The following TENM2 variants were observed in gnomAD, a reference collection of about 807,000 sequenced individuals.
TENM2 encodes the protein teneurin transmembrane protein 2, also known as teneurin-2.
TENM2 carries 52 observed loss-of-function variants against 245.2 expected under a neutral mutation model. The observed-to-expected ratio is 0.21, with a 90% CI of 0.17 to 0.27. The LOEUF (loss-of-function observed/expected upper bound fraction) is 0.27, where lower values mean the gene tolerates loss of function less well. Among genes scored for constraint, TENM2 ranks in the 10% least tolerant of loss-of-function variants. TENM2 has a pLI of 1.00. For missense variants in TENM2, 3,046 were observed against 3,666.8 expected (o/e 0.83, Z 4.37); for synonymous variants, 1,363 against 1,438.9 (o/e 0.95, Z 1.19).
chr5:168,156,917 G>A (rs1043053185), intron 12 of TENM2, among the ~76,000 whole-genome samples: 8 of 152,192 alleles, frequency 5.3e-5, no homozygotes, highest in Non-Finnish European at 1.0e-4. Context: ...AACGCCTGGG[G>A]CAGCCGTTCG....
intron 2 of TENM2, among the ~76,000 whole-genome samples, chr5:167,704,188 C>T (rs891104051): frequency 7.9e-5 from 12 of 152,262 alleles, no homozygotes; most frequent in African/African-American, 2.6e-4. Context: ...TGAGAGGTAG[C>T]TGGAGGGAGG....
At chr5:167,401,297 T>C (rs1036700616) in intron 2 of TENM2, among the ~76,000 whole-genome samples, 2 of 152,118 alleles carry the variant, frequency 1.3e-5, no homozygotes, top group Non-Finnish European at 2.9e-5. Context: ...TAAGGAGTGA[T>C]GCTAACTGAC....
intron 2 of TENM2, among the ~76,000 whole-genome samples, chr5:167,798,996 TG>T (rs1765514406): frequency 1.3e-5 from 2 of 152,158 alleles, no homozygotes; most frequent in Admixed American, 6.5e-5. Flanking sequence ...GAGGCTTTGA[TG>T]GGGTTAGGAA....
intron 3 of TENM2, among the ~76,000 whole-genome samples, chr5:167,926,344 T>C (rs1777760488): frequency 6.6e-6 from 1 of 152,112 alleles, no homozygotes; most frequent in Admixed American, 6.5e-5. Flanking sequence ...GTAAAAGAAA[T>C]GATTTCTATA....
In TENM2 at chr5:168,260,476, C is replaced by T. The variant is rs148800088; in HGVS notation, c.7563+63C>T. 1.3e-4 allele frequency: 208 copies of T among 1,587,970 alleles called. No homozygotes were observed. In the African/African-American group the frequency reaches 2.5e-3, roughly 19 times the overall value. On this transcript the variant is annotated intron_variant, in intron 28 of 28. Transcript: ENST00000518659. ...CATCATTCCCTTTTGCAAACAGAAC[C>T]TCATGGGAGCCAGGGGCATGTCAGC...
At chr5:167,018,956 T>TA in the TENM2 span, among the ~76,000 whole-genome samples, 2 of 152,218 alleles carry the variant, frequency 1.3e-5, no homozygotes, top group Admixed American at 1.3e-4. Context: ...AAATGCCTTC[T>TA]AATCTAATGT....
intron 3 of TENM2, among the ~76,000 whole-genome samples, chr5:167,923,415 TG>T (rs1777521352): frequency 6.6e-6 from 1 of 152,208 alleles, no homozygotes; most frequent in Non-Finnish European, 1.5e-5. Flanking sequence ...CTGCCACCTC[TG>T]TGCCAACAGC....
intron 2 of TENM2, among the ~76,000 whole-genome samples, chr5:167,868,338 T>C (rs769215848): frequency 2.6e-5 from 4 of 152,130 alleles, no homozygotes; most frequent in Admixed American, 6.5e-5. Flanking sequence ...CTATCAGAAA[T>C]ATAGAAGGTA....
rs576983991 is a variant in TENM2 at position 168,025,118 on chromosome 5, T to G, written c.1187-22309T>G. On this transcript the variant is annotated intron_variant, in intron 5 of 28. Transcript: ENST00000518659. ...AAATTTATTAATCCTACATTCAAAG[T>G]GTAAATTTACCACTTGGGACTCACA... is the stretch of plus-strand genomic sequence containing the variant. Among the ~76,000 whole-genome samples the G allele has an allele frequency of 3.3e-5, 5 of 152,346 alleles. No individual in the cohort carries two copies. The East Asian group carries it at 9.6e-4, about 29-fold the overall frequency.
intron 12 of TENM2, among the ~76,000 whole-genome samples, chr5:168,136,553 G>C (rs1194317627): frequency 1.3e-5 from 2 of 152,182 alleles, no homozygotes; most frequent in African/African-American, 4.8e-5. Flanking sequence ...GTAAAGGAGA[G>C]AACACCACAC....
chr5:167,929,114 AAAGAAAGAAAGAAAGAAAAGAAAGAAGGG>A (rs1778067473), intron 3 of TENM2, among the ~76,000 whole-genome samples: 1 of 122,006 alleles, frequency 8.2e-6, no homozygotes, highest in Non-Finnish European at 1.8e-5. Context: ...AGAAAGAAAG[AAAGAAAGAAAGAAAGAAAAGAAAGAAGGG>A]AGGGAGGGAG....
At chr5:167,694,258 G>A (rs1757619995) in intron 2 of TENM2, among the ~76,000 whole-genome samples, 2 of 152,084 alleles carry the variant, frequency 1.3e-5, no homozygotes, top group Admixed American at 1.3e-4. Context: ...CTCAATTATG[G>A]CCTTATGTTG....
the TENM2 span, among the ~76,000 whole-genome samples, chr5:167,140,550 T>G: frequency 1.3e-5 from 2 of 152,220 alleles, no homozygotes; most frequent in Non-Finnish European, 2.9e-5. Context: ...GCTAATGAAT[T>G]ATTTCATATT....
intron 2 of TENM2, among the ~76,000 whole-genome samples, chr5:167,849,042 G>A (rs768287202): frequency 3.9e-5 from 6 of 152,160 alleles, no homozygotes; most frequent in Non-Finnish European, 8.8e-5. Context: ...TTCTCTAAGT[G>A]AGAAGTCTAA....
At chr5:167,873,479 C>A (rs973025237) in intron 2 of TENM2, among the ~76,000 whole-genome samples, 1 of 151,994 alleles carries the variant, frequency 6.6e-6, no homozygotes, top group Non-Finnish European at 1.5e-5. Context: ...ACTATCTGTG[C>A]GGTTTAACCT....
chr5:167,660,413 C>G (rs1172583837), intron 2 of TENM2: 1 of 136,164 alleles, frequency 7.3e-6, no homozygotes, highest in African/African-American at 2.8e-5. Flanking sequence ...TGCAGTGAGC[C>G]GAGATTGTGC....
At chr5:167,628,879 T>A (rs986774003) in intron 2 of TENM2, among the ~76,000 whole-genome samples, 1 of 152,228 alleles carries the variant, frequency 6.6e-6, no homozygotes, top group South Asian at 2.1e-4. Context: ...ACTCATTGAC[T>A]TTTTAGCTGT....
the TENM2 span, among the ~76,000 whole-genome samples, chr5:167,002,122 A>G: frequency 6.6e-6 from 1 of 152,202 alleles, no homozygotes; most frequent in Non-Finnish European, 1.5e-5. Context: ...TCTTTTTCAG[A>G]AAAATATCAC....
intron 1 of TENM2, among the ~76,000 whole-genome samples, chr5:167,346,045 A>G (rs1326118281): frequency 6.6e-6 from 1 of 152,186 alleles, no homozygotes; most frequent in African/African-American, 2.4e-5. Flanking sequence ...GGTGGGACAG[A>G]ACAACATGGC....
Sources: allele counts gnomAD v4.1 joint callset (sites outside exome capture counted in the v4.1 genomes callset), GRCh38; gene constraint gnomAD v4.1.1; transcripts MANE v1.5; gene names NCBI Gene and HGNC (gene_info 2026-07-23, HGNC 2026-07-21).